The following ZNF804A variants were observed in gnomAD, a reference collection of about 807,000 sequenced individuals.
ZNF804A encodes the protein zinc finger protein 804A.
ZNF804A carries 2 observed loss-of-function variants against 16.5 expected under a neutral mutation model. That is an observed-to-expected ratio of 0.12 (90% CI 0.05 to 0.38). The LOEUF is 0.38. Among genes scored for constraint, ZNF804A ranks in the 10% least tolerant of loss-of-function variants. The pLI is 0.99. For missense variants in ZNF804A, 1,473 were observed against 1,390.7 expected (o/e 1.06, Z -0.94); for synonymous variants, 534 against 489.6 (o/e 1.09, Z -1.20).
intron 2 of ZNF804A, among the ~76,000 whole-genome samples, chr2:184,889,875 T>C (rs1271753201): frequency 6.6e-6 from 1 of 152,156 alleles, no homozygotes; most frequent in Non-Finnish European, 1.5e-5. Flanking sequence ...ATATGGTTTT[T>C]ACTAAGTACG....
At position 184,937,127 on chromosome 2, in the gene ZNF804A, C is replaced by A; in HGVS notation, c.1731C>A (p.Tyr577Ter). 2 of 1,603,162 alleles carry A rather than the reference C, an allele frequency of 1.2e-6. No individual in the cohort carries two copies. Among genetic ancestry groups the A allele is most frequent in the Middle Eastern group, 1.7e-4 (1 of 5,958 alleles). Residue 577 changes from tyrosine (Y) to a stop codon, truncating the protein, a stop_gained, in exon 4 of 4, where the codon TAC becomes TAA. Coordinates refer to ENST00000302277, the MANE Select transcript of ZNF804A (RefSeq NM_194250.2). LOFTEE classifies it low-confidence loss of function (END_TRUNC). ...QIKQDTLDEK[Y>*]NKIRLKETHE... is the part of the protein sequence containing the mutation. ...AACAGGACACTCTAGATGAAAAATA[C>A]AACAAAATAAGGTTGAAAGAGACCC...
At chr2:184,680,053 CCAGATTCAGCCAAACT>C (rs1396819366) in intron 1 of ZNF804A, among the ~76,000 whole-genome samples, 2 of 152,194 alleles carry the variant, frequency 1.3e-5, no homozygotes, top group Non-Finnish European at 2.9e-5. Context: ...CATAAAAGCT[CCAGATTCAGCCAAACT>C]TGGGAGATGA....
At chr2:184,871,225 C>G (rs1574250080) in intron 2 of ZNF804A, among the ~76,000 whole-genome samples, 1 of 151,744 alleles carries the variant, frequency 6.6e-6, no homozygotes, top group Non-Finnish European at 1.5e-5. Flanking sequence ...TAGGAAGCTA[C>G]TGGCTAAAAC....
At chr2:184,774,056 A>AT (rs1395800692) in intron 1 of ZNF804A, among the ~76,000 whole-genome samples, 2 of 151,850 alleles carry the variant, frequency 1.3e-5, no homozygotes, top group Non-Finnish European at 2.9e-5. Context: ...TTTATTCAAA[A>AT]TTGTCTGTCT....
chr2:184,894,901 G>C (rs982438567), intron 2 of ZNF804A, among the ~76,000 whole-genome samples: 3 of 151,916 alleles, frequency 2.0e-5, no homozygotes, highest in Non-Finnish European at 4.4e-5. Context: ...CACCGTGTTA[G>C]CCAGGATGGT....
chr2:184,851,322 G>A (rs1314694168), intron 1 of ZNF804A, among the ~76,000 whole-genome samples: 1 of 151,438 alleles, frequency 6.6e-6, no homozygotes, highest in Non-Finnish European at 1.5e-5. Flanking sequence ...ATTATTTGAC[G>A]AACATCTCTC....
At chr2:184,828,522 T>TA (rs913091796) in intron 1 of ZNF804A, among the ~76,000 whole-genome samples, 12 of 150,520 alleles carry the variant, frequency 8.0e-5, no homozygotes, top group Non-Finnish European at 1.2e-4. Context: ...TTTCCTTCAT[T>TA]AAAAAAAAAG....
chr2:184,620,396 C>G (rs1691398906), intron 1 of ZNF804A, among the ~76,000 whole-genome samples: 1 of 151,628 alleles, frequency 6.6e-6, no homozygotes, highest in East Asian at 1.9e-4. Flanking sequence ...TACTTTTCAC[C>G]AAGAGGAAGA....
At position 184,857,083 on chromosome 2, in the gene ZNF804A, CT is replaced by C. The variant is rs371324581; in HGVS notation, c.112-9278del. The stretch of plus-strand genomic sequence containing the variant: ...ATTATGTTGTTTATTTGACATCTTT[CT>C]TTTTTTTGATGTAGGCATTTATTGC... On this transcript the variant is annotated intron_variant, in intron 1 of 3. Transcript: ENST00000302277. 3.2e-4 allele frequency among the ~76,000 whole-genome samples: 48 copies of C among 151,736 alleles called. No homozygotes were observed. In the East Asian group the frequency reaches 4.2e-3, roughly 13 times the overall value.
At chr2:184,676,326 A>G (rs760222691) in intron 1 of ZNF804A, among the ~76,000 whole-genome samples, 1 of 151,594 alleles carries the variant, frequency 6.6e-6, no homozygotes, top group Non-Finnish European at 1.5e-5. Context: ...AAAGTCAAAC[A>G]TTAGAAATAT....
At chr2:184,815,904 C>T (rs914022628) in intron 1 of ZNF804A, among the ~76,000 whole-genome samples, 1 of 151,954 alleles carries the variant, frequency 6.6e-6, no homozygotes, top group African/African-American at 2.4e-5. Flanking sequence ...GTTGCTGTGG[C>T]ATGTTAGTTT....
At chr2:184,838,583 T>C (rs898488302) in intron 1 of ZNF804A, among the ~76,000 whole-genome samples, 7 of 152,156 alleles carry the variant, frequency 4.6e-5, no homozygotes, top group African/African-American at 1.7e-4. Context: ...CCAGAATTAG[T>C]AAGACATTAA....
At chr2:184,928,724 A>G (rs1685646921) in intron 2 of ZNF804A, among the ~76,000 whole-genome samples, 1 of 152,184 alleles carries the variant, frequency 6.6e-6, no homozygotes, top group African/African-American at 2.4e-5. Flanking sequence ...GGGATGGTCC[A>G]TTCCCCTCTG....
intron 1 of ZNF804A, among the ~76,000 whole-genome samples, chr2:184,723,998 A>C (rs552959971): frequency 6.6e-6 from 1 of 151,894 alleles, no homozygotes; most frequent in African/African-American, 2.4e-5. Context: ...ATCCTTATAT[A>C]CTGTAGAATC....
At chr2:184,876,247 C>CACTTTGT (rs1342975866) in intron 2 of ZNF804A, among the ~76,000 whole-genome samples, 2 of 152,156 alleles carry the variant, frequency 1.3e-5, no homozygotes, top group Non-Finnish European at 2.9e-5. Flanking sequence ...AGTGATCTGA[C>CACTTTGT]ACTTAAAGGA....
chr2:184,760,258 CTG>C (rs1230180204), intron 1 of ZNF804A, among the ~76,000 whole-genome samples: 8 of 152,046 alleles, frequency 5.3e-5, no homozygotes, highest in Non-Finnish European at 1.0e-4. Context: ...ATAAACATGA[CTG>C]TTTATTTGAA....
At chr2:184,917,199 T>A (rs1429185941) in intron 2 of ZNF804A, among the ~76,000 whole-genome samples, 1 of 152,184 alleles carries the variant, frequency 6.6e-6, no homozygotes, top group South Asian at 2.1e-4. Flanking sequence ...CCCATACACA[T>A]CCCTTTAACC....
intron 1 of ZNF804A, among the ~76,000 whole-genome samples, chr2:184,617,040 T>C (rs1204477980): frequency 6.6e-6 from 1 of 152,076 alleles, no homozygotes; most frequent in Non-Finnish European, 1.5e-5. Context: ...CTCCCATCAC[T>C]TACAATAAAT....
intron 1 of ZNF804A, among the ~76,000 whole-genome samples, chr2:184,644,333 T>C (rs577259540): frequency 6.6e-6 from 1 of 151,832 alleles, no homozygotes; most frequent in South Asian, 2.1e-4. Flanking sequence ...TTATAACCCA[T>C]GCAGAAGCAA....
Sources: gnomAD v4.1 joint callset for allele counts (sites outside exome capture counted in the v4.1 genomes callset) on GRCh38, gnomAD v4.1.1 for gene constraint, MANE v1.5 for transcripts, NCBI Gene and HGNC (gene_info 2026-07-23, HGNC 2026-07-21) for gene names.